Variants in RBL2 observed in about 807,000 individuals in gnomAD.
RBL2 encodes RB transcriptional corepressor like 2.
Under a neutral mutation model 126.0 loss-of-function variants are expected in RBL2, and 56 were observed. The observed-to-expected ratio is 0.44, with a 90% CI of 0.36 to 0.56. RBL2 has a LOEUF of 0.56. Ranked by LOEUF, RBL2 falls within the 20% of genes least tolerant of loss-of-function variation. The pLI is 0.00. For synonymous variants in RBL2, 454 were observed against 478.5 expected, an observed-to-expected ratio of 0.95 and a Z score of 0.67; for missense variants, 1,229 against 1,398.2, an observed-to-expected ratio of 0.88 and a Z score of 1.93.
intron 3 of RBL2, 110 bp from the exon 4 acceptor site, chr16:53,446,932 G>C (rs1437297193): frequency 1.9e-6 from 1 of 524,286 alleles, no homozygotes; most frequent in Non-Finnish European, 3.3e-6. Context: ...TGAATCTGTT[G>C]TCTCTCCCTT....
At chr16:53,449,230 T>TAGA (rs2058090605) in intron 4 of RBL2, 1 of 152,208 alleles carries the variant, frequency 6.6e-6, no homozygotes, top group Non-Finnish European at 1.5e-5. Flanking sequence ...TCTAGGATTT[T>TAGA]TATCTGTTTT....
In RBL2 at chr16:53,453,688, C is replaced by A. The variant is rs374877679; in HGVS notation, c.928-17C>A. The A allele has an allele frequency of 4.6e-5, 74 of 1,606,604 alleles. No homozygotes were observed. The African/African-American group carries it at 9.3e-4, about 20-fold the overall frequency. The stretch of plus-strand genomic sequence containing the variant: ...TGATTTAACATGACGACTTAAGGAT[C>A]TCTTCTTTCATCATAGCTCCTTAAG... On this transcript the variant is annotated splice_polypyrimidine_tract_variant and intron_variant, in intron 6 of 21. Coordinates refer to ENST00000262133, the MANE Select transcript of RBL2 (RefSeq NM_005611.4).
At chr16:53,445,407 C>G (rs2058052622) in intron 3 of RBL2, among the ~76,000 whole-genome samples, 2 of 151,382 alleles carry the variant, frequency 1.3e-5, no homozygotes, top group African/African-American at 4.9e-5. Context: ...TTAGCTCTTT[C>G]TGTTAACTAT....
rs751385576 is a variant in RBL2, at chr16:53,481,820, C to T, written c.3234C>T (p.Ser1078=). The change falls in exon 21 of 22, where the codon AGC becomes AGT. Residue 1078 remains serine, a synonymous_variant. Coordinates refer to ENST00000262133, the MANE Select transcript of RBL2 (RefSeq NM_005611.4). The part of the protein sequence containing the change: ...SPREKIFYYF[S]NSPSKRLREI... ...GAGAAAAGATTTTCTATTACTTCAG[C>T]AACAGTCCTTCAAAGGTGAGCCTAA... 7 of 1,583,630 alleles carry T rather than the reference C, an allele frequency of 4.4e-6. No individual in the cohort carries two copies. In the East Asian group the frequency reaches 6.7e-5, roughly 15 times the overall value.
Position 53,464,334 on chromosome 16 carries a change from T to C in RBL2, c.1669T>C (p.Phe557Leu), listed in dbSNP as rs772227281. ...GAATTTTCCATTTATTACTGAAATATTTGATGTGCCTCTTTATCATTTTTA... is the reference window on the plus strand; with the variant it reads ...GAATTTTCCATTTATTACTGAAATACTTGATGTGCCTCTTTATCATTTTTA... ...PGNFPFITEIFDVPLYHFYKV... is the reference protein window; with the variant it reads ...PGNFPFITEILDVPLYHFYKV... Residue 557 changes from phenylalanine to leucine, a missense_variant, in exon 12 of 22, where the codon TTT (phenylalanine) becomes CTT (leucine). This residue lies in a region of RBL2 where 1,070 missense variants were observed against 1,274.3 expected (regional missense o/e 0.84). Coordinates refer to ENST00000262133, the MANE Select transcript of RBL2 (RefSeq NM_005611.4). 29 of 1,582,814 alleles carry C rather than the reference T, an allele frequency of 1.8e-5. 1 individual carries two copies. The Admixed American group carries it at 4.9e-4, about 27-fold the overall frequency.
chr16:53,453,081 T>C (rs765856407), intron 5 of RBL2, among the ~76,000 whole-genome samples: 2 of 152,164 alleles, frequency 1.3e-5, no homozygotes, highest in Non-Finnish European at 2.9e-5. Flanking sequence ...GTATATAATA[T>C]CTGAACAGTG....
intron 1 of RBL2, chr16:53,435,759 T>C: frequency 1.6e-6 from 2 of 1,284,400 alleles, no homozygotes; most frequent in South Asian, 1.2e-5. Flanking sequence ...TATTTAAATA[T>C]GATGTTTTTG....
intron 2 of RBL2, among the ~76,000 whole-genome samples, 168 bp from the exon 3 acceptor site, chr16:53,442,490 C>A (rs1242356261): frequency 1.3e-5 from 2 of 152,050 alleles, no homozygotes; most frequent in Non-Finnish European, 2.9e-5. Flanking sequence ...GAGGAATATA[C>A]CAATCTGTAA....
In RBL2 at chr16:53,451,810, C is replaced by T; in HGVS notation, c.745C>T (p.Leu249Phe). 1 of 1,613,650 alleles carries T rather than the reference C, an allele frequency of 6.2e-7. No homozygotes were observed. The highest frequency in any genetic ancestry group is 8.5e-7 in the Non-Finnish European group (1 of 1,179,752). ...NALQCSNRKE[L>F]VNPNFKGLSE... ...ACTTCAGTGTTCTAATCGTAAAGAA[C>T]TTGTGAACCCTAATTTTAAAGGTAG... is the stretch of plus-strand genomic sequence containing the variant. Residue 249 changes from leucine (L) to phenylalanine (F), a missense_variant, in exon 5 of 22, where the codon CTT becomes TTT. Physicochemically the swap from Leu to Phe is conservative, Grantham distance 22 (BLOSUM62 0). Around this residue, in one of 2 missense-constraint regions of RBL2, gnomAD observed 1,070 missense variants for 1,274.3 expected, o/e 0.84. Transcript: ENST00000262133.
At position 53,447,209 on chromosome 16, in the gene RBL2, A is replaced by G. The variant is rs895426811; in HGVS notation, c.637+103A>G. ...ATGTATCAGGAAAAGATTTTCACTG[A>G]AAATTTTCTCAAGGGTTTTAATCCT... On this transcript the variant is annotated intron_variant, in intron 4 of 21. Transcript: ENST00000262133. The G allele has an allele frequency of 1.2e-4, 70 of 571,896 alleles. 1 individual carries two copies. The highest frequency in any genetic ancestry group is 2.0e-4 in the Non-Finnish European group (68 of 344,002). 35.4% of individuals were successfully genotyped at this position (571,896 alleles called of 1,614,324 possible).
intron 19 of RBL2, 109 bp from the exon 20 acceptor site, chr16:53,480,458 T>C: frequency 2.3e-6 from 2 of 888,736 alleles, no homozygotes; most frequent in Admixed American, 4.6e-5. Context: ...CTATTCACTG[T>C]TATTAGCAAG....
chr16:53,449,401 A>C (rs1233370600), intron 4 of RBL2: 1 of 151,942 alleles, frequency 6.6e-6, no homozygotes, highest in Admixed American at 6.6e-5. Context: ...TTTGACTTTT[A>C]TCTCATTAAT....
At chr16:53,472,116 T>C (rs986873089) in intron 17 of RBL2, among the ~76,000 whole-genome samples, 2 of 152,242 alleles carry the variant, frequency 1.3e-5, no homozygotes, top group Non-Finnish European at 2.9e-5. Flanking sequence ...TATGACTGAA[T>C]GATATTCCAT....
intron 5 of RBL2, 145 bp downstream of exon 5, chr16:53,451,976 C>T (rs2058119705): frequency 1.4e-5 from 13 of 898,332 alleles, no homozygotes; most frequent in Non-Finnish European, 2.1e-5. Context: ...AAGAGTCAAG[C>T]TGCCTGTAAA....
At chr16:53,459,821 C>T (rs1403578725) in intron 9 of RBL2, among the ~76,000 whole-genome samples, 1 of 149,036 alleles carries the variant, frequency 6.7e-6, no homozygotes, top group Admixed American at 6.9e-5. Context: ...TAATATAATA[C>T]AAGACACAGT....
At chr16:53,451,669 T>A in intron 4 of RBL2, 34 bp from the exon 5 acceptor site, 1 of 1,596,482 alleles carries the variant, frequency 6.3e-7, no homozygotes, top group East Asian at 2.2e-5. Context: ...AAGTCAATGC[T>A]AATTTAACTC....
chr16:53,449,889 GAATTT>G (rs1567729759), intron 4 of RBL2, among the ~76,000 whole-genome samples: 1 of 149,858 alleles, frequency 6.7e-6, no homozygotes, highest in African/African-American at 2.4e-5. Context: ...GAGAGTCCTA[GAATTT>G]AATTTAAATT....
intron 15 of RBL2, 85 bp downstream of exon 15, chr16:53,470,270 G>C (rs2058309681): frequency 6.4e-7 from 1 of 1,558,450 alleles, no homozygotes; most frequent in Admixed American, 1.8e-5. Context: ...AGTGACATAG[G>C]GGACAGAGGA....
intron 17 of RBL2, among the ~76,000 whole-genome samples, chr16:53,473,697 A>T (rs2150817638): frequency 6.6e-6 from 1 of 152,194 alleles, no homozygotes; most frequent in South Asian, 2.1e-4. Context: ...AGAACTGTCG[A>T]AAGCAGAAAT....
Sources: allele counts gnomAD v4.1 joint callset (sites outside exome capture counted in the v4.1 genomes callset), GRCh38; gene constraint gnomAD v4.1.1; regional missense constraint gnomAD v4.1.1; transcripts MANE v1.5; gene names NCBI Gene and HGNC (gene_info 2026-07-23, HGNC 2026-07-21).